PDZD2: variants seen among roughly 807,000 people sequenced by gnomAD.
The protein encoded by PDZD2 is PDZ domain-containing protein 2.
In PDZD2, 90 loss-of-function variants were observed where a neutral mutation model predicts 220.7. The ratio of observed to expected loss-of-function variants is 0.41; its 90% CI spans 0.34 to 0.49. The LOEUF (loss-of-function observed/expected upper bound fraction) is 0.49, where lower values mean the gene tolerates loss of function less well. PDZD2 is among the 20% of genes least tolerant of loss of function. The probability of loss-of-function intolerance (pLI) is 0.28; values close to 1 mark genes in which losing one functional copy is unlikely to be tolerated. For synonymous variants in PDZD2, 1,375 were observed against 1,450.5 expected (o/e 0.95, Z 1.18); for missense variants, 3,174 against 3,608.5 (o/e 0.88, Z 3.08).
chr5:31,749,770 TC>T (rs1349329490), intron 1 of PDZD2, among the ~76,000 whole-genome samples: 2 of 152,162 alleles, frequency 1.3e-5, no homozygotes, highest in African/African-American at 2.4e-5. Context: ...TCAGCTGCAC[TC>T]CATTATGCTC....
intron 2 of PDZD2, among the ~76,000 whole-genome samples, chr5:31,881,431 G>A (rs1739916283): frequency 6.7e-6 from 1 of 149,688 alleles, no homozygotes; most frequent in Admixed American, 6.7e-5. Context: ...GAGTTGGAGT[G>A]CAATGGTGCG....
intron 2 of PDZD2, chr5:31,840,558 A>G: frequency 1.5e-6 from 1 of 683,106 alleles, no homozygotes; most frequent in Non-Finnish European, 2.7e-6. Context: ...TTCTCACAAA[A>G]TGTGCTTCTC....
intron 2 of PDZD2, among the ~76,000 whole-genome samples, chr5:31,955,193 G>A (rs1032076928): frequency 8.5e-5 from 13 of 152,062 alleles, no homozygotes; most frequent in Non-Finnish European, 1.8e-4. Context: ...GAGCCTATGC[G>A]CTGACATTGG....
At chr5:31,648,842 C>T (rs952105175) in intron 1 of PDZD2, among the ~76,000 whole-genome samples, 4 of 151,982 alleles carry the variant, frequency 2.6e-5, no homozygotes, top group South Asian at 4.1e-4. Context: ...GTTGGAACAT[C>T]GTTATCCCTC....
At chr5:32,031,624 G>GAT (rs759947141) in intron 6 of PDZD2, among the ~76,000 whole-genome samples, 2 of 152,144 alleles carry the variant, frequency 1.3e-5, no homozygotes, top group Non-Finnish European at 2.9e-5. Flanking sequence ...AAGTTGAAAT[G>GAT]TATATCTCTG....
At chr5:31,827,731 A>T (rs1445039119) in intron 2 of PDZD2, among the ~76,000 whole-genome samples, 4 of 152,072 alleles carry the variant, frequency 2.6e-5, no homozygotes, top group Admixed American at 6.6e-5. Flanking sequence ...ATAATTTTAA[A>T]ATGGCTTTAC....
chr5:31,832,460 A>G (rs1044709617), intron 2 of PDZD2: 1 of 152,196 alleles, frequency 6.6e-6, no homozygotes, highest in Admixed American at 6.5e-5. Context: ...GGCATCACCT[A>G]TACTAAAATT....
chr5:31,828,639 G>A lies in PDZD2; in HGVS notation c.476+28915G>A, dbSNP rs554968929. On this transcript the variant is annotated intron_variant, in intron 2 of 24. Transcript: ENST00000438447. ...TTCTCCTGAATAGCCAGGACTACAGGCATACGCCACTACACCTGGCTAATT... is the reference window on the plus strand; with the variant it reads ...TTCTCCTGAATAGCCAGGACTACAGACATACGCCACTACACCTGGCTAATT... Among the ~76,000 whole-genome samples the A allele has an allele frequency of 1.7e-3, 263 of 152,164 alleles. 1 individual carries two copies. Among genetic ancestry groups the A allele is most frequent in the Non-Finnish European group, 3.3e-3 (225 of 67,990 alleles).
At chr5:31,920,399 C>A (rs968125122) in intron 2 of PDZD2, among the ~76,000 whole-genome samples, 82 of 152,164 alleles carry the variant, frequency 5.4e-4, no homozygotes, top group Non-Finnish European at 8.5e-4. Flanking sequence ...CGCCCCCCCC[C>A]CCCACTGGGG....
chr5:32,037,143 G>A, intron 6 of PDZD2, 88 bp from the exon 7 acceptor site: 1 of 794,090 alleles, frequency 1.3e-6, no homozygotes, highest in Non-Finnish European at 2.1e-6. Flanking sequence ...GCTGCTCCTT[G>A]AGCCTTGAGA....
intron 2 of PDZD2, among the ~76,000 whole-genome samples, chr5:31,856,633 C>CGTA (rs1409949384): frequency 6.6e-6 from 1 of 152,088 alleles, no homozygotes; most frequent in East Asian, 1.9e-4. Context: ...GCACCTGGCA[C>CGTA]GTAGTAGCGC....
chr5:31,887,782 T>C (rs1183911331), intron 2 of PDZD2, among the ~76,000 whole-genome samples: 1 of 151,384 alleles, frequency 6.6e-6, no homozygotes, highest in African/African-American at 2.4e-5. Flanking sequence ...GTCTCAAAAC[T>C]GTCCTACGCT....
At chr5:31,669,385 G>A (rs1395317667) in intron 1 of PDZD2, among the ~76,000 whole-genome samples, 2 of 135,426 alleles carry the variant, frequency 1.5e-5, no homozygotes, top group Non-Finnish European at 3.1e-5. Context: ...CTGGGTGACA[G>A]AGTGAGACCC....
chr5:31,706,918 T>A (rs1253618024), intron 1 of PDZD2, among the ~76,000 whole-genome samples: 1 of 151,826 alleles, frequency 6.6e-6, no homozygotes, highest in East Asian at 1.9e-4. Flanking sequence ...CAATTATACC[T>A]GCCCCTCTAC....
intron 1 of PDZD2, among the ~76,000 whole-genome samples, chr5:31,692,222 T>C (rs35711365): frequency 0.74 from 112,950 of 152,058 alleles, 42,637 homozygotes; most frequent in East Asian, 0.93. Flanking sequence ...GTGCTAAGCT[T>C]CTCACTGCCC....
intron 2 of PDZD2, among the ~76,000 whole-genome samples, chr5:31,871,865 A>G (rs2150324633): frequency 6.6e-6 from 1 of 152,158 alleles, no homozygotes; most frequent in South Asian, 2.1e-4. Flanking sequence ...TTGCTCTGTC[A>G]CCCAGGCTGG....
At chr5:32,049,122 G>A (rs1738263772) in intron 8 of PDZD2, among the ~76,000 whole-genome samples, 1 of 152,046 alleles carries the variant, frequency 6.6e-6, no homozygotes, top group Non-Finnish European at 1.5e-5. Context: ...CTGTTACACA[G>A]TAATGACTCA....
chr5:31,893,911 T>G (rs747681920), intron 2 of PDZD2, among the ~76,000 whole-genome samples: 5 of 145,018 alleles, frequency 3.4e-5, no homozygotes, highest in Non-Finnish European at 7.5e-5. Context: ...TTATTTATTT[T>G]GAGACGGAGT....
chr5:31,776,499 T>G (rs1428203638), intron 1 of PDZD2, among the ~76,000 whole-genome samples: 1 of 151,162 alleles, frequency 6.6e-6, no homozygotes, highest in East Asian at 1.9e-4. Context: ...TATTCATTTT[T>G]AGTAGAGACA....
Sources: gnomAD v4.1 joint callset for allele counts (sites outside exome capture counted in the v4.1 genomes callset) on GRCh38, gnomAD v4.1.1 for gene constraint, MANE v1.5 for transcripts, NCBI Gene and HGNC (gene_info 2026-07-23, HGNC 2026-07-21) for gene names.